The following ADGRV1 variants were observed in gnomAD, a reference collection of about 807,000 sequenced individuals.
ADGRV1 encodes the protein adhesion G protein-coupled receptor V1.
In ADGRV1, 359 loss-of-function variants were observed where a neutral mutation model predicts 596.2. The observed-to-expected ratio is 0.60, with a 90% CI of 0.55 to 0.66. ADGRV1 has a LOEUF of 0.66. ADGRV1 is among the 30% of genes least tolerant of loss of function. The pLI, the probability that ADGRV1 is intolerant of heterozygous loss-of-function variation, is 0.00. For synonymous variants in ADGRV1, 2,681 were observed against 2,679.2 expected (o/e 1.00, Z -0.02); for missense variants, 7,274 against 7,575.6 (o/e 0.96, Z 1.48).
intron 56 of ADGRV1, 119 bp from the exon 57 acceptor site, chr5:90,756,860 A>G (rs1340725824): frequency 1.2e-6 from 1 of 852,090 alleles, no homozygotes; most frequent in Non-Finnish European, 1.8e-6. Context: ...ATATCTGACT[A>G]TTAATTTCTA....
chr5:90,872,440 TG>T (rs1768785867), intron 83 of ADGRV1, among the ~76,000 whole-genome samples: 1 of 39,748 alleles, frequency 2.5e-5, no homozygotes, highest in Admixed American at 5.0e-4. Flanking sequence ...TGTGTGTGTG[TG>T]TGTGTGTGTG....
intron 83 of ADGRV1, among the ~76,000 whole-genome samples, chr5:90,879,151 T>G (rs1769504349): frequency 6.6e-6 from 1 of 152,314 alleles, no homozygotes; most frequent in African/African-American, 2.4e-5. Flanking sequence ...GAATGAGGAC[T>G]TCAACCTCAC....
Position 90,855,883 on chromosome 5 carries a change from G to A in ADGRV1, c.17737G>A (p.Gly5913Arg). The A allele has an allele frequency of 6.2e-7, 1 of 1,612,184 alleles. No individual in the cohort carries two copies. The highest frequency in any genetic ancestry group is 1.7e-5 in the Admixed American group (1 of 59,964). ...ATACAATGAAGCCTTCTTCACTTCT[G>A]GATTTATATGTATCTCAGGTCAGTG... Reference protein sequence around the residue: ...SSYNEAFFTSGFICISGLCLA... With the variant: ...SSYNEAFFTSRFICISGLCLA... Residue 5913 changes from glycine (G) to arginine (R), a missense_variant, in exon 82 of 90, where the codon GGA becomes AGA. Gly to Arg is a moderately radical substitution (Grantham distance 125). This residue lies in a region of ADGRV1 where 1,874 missense variants were observed against 1,970.2 expected (regional missense o/e 0.95). Coordinates refer to ENST00000405460, the MANE Select transcript of ADGRV1 (RefSeq NM_032119.4).
chr5:90,874,864 A>AT (rs1212225065), intron 83 of ADGRV1, among the ~76,000 whole-genome samples: 2 of 152,120 alleles, frequency 1.3e-5, no homozygotes, highest in Non-Finnish European at 2.9e-5. Flanking sequence ...TCAAAAAAAA[A>AT]CAAAAAACAA....
chr5:90,991,471 G>C (rs1263015614), intron 85 of ADGRV1, among the ~76,000 whole-genome samples: 1 of 152,066 alleles, frequency 6.6e-6, no homozygotes, highest in Non-Finnish European at 1.5e-5. Context: ...AATTTGTAGA[G>C]ACAAGGTCTT....
chr5:90,753,708 A>G lies in ADGRV1; in HGVS notation c.11256A>G (p.Lys3752=). The change falls in exon 54 of 90, where the codon AAA becomes AAG. Residue 3752 remains lysine (K), a synonymous_variant. Coordinates refer to ENST00000405460, the MANE Select transcript of ADGRV1 (RefSeq NM_032119.4). The stretch of plus-strand genomic sequence containing the variant: ...CAGAAGGGGTTGAGGACTCATACAA[A>G]GGTGCTACTATTGATCAGGACAGAA... ...ITTEGVEDSY[K]GATIDQDRSK... The G allele has an allele frequency of 6.2e-7, 1 of 1,613,724 alleles. No homozygotes were observed. Among genetic ancestry groups the G allele is most frequent in the Non-Finnish European group, 8.5e-7 (1 of 1,179,712 alleles).
At chr5:90,564,763 A>G (rs1268985733) in intron 1 of ADGRV1, among the ~76,000 whole-genome samples, 2 of 89,050 alleles carry the variant, frequency 2.2e-5, no homozygotes, top group African/African-American at 5.9e-5. Flanking sequence ...AGTAGCTGGG[A>G]CTACAGGCGC....
intron 86 of ADGRV1, among the ~76,000 whole-genome samples, chr5:91,073,649 A>G (rs772850026): frequency 4.6e-5 from 7 of 152,148 alleles, no homozygotes; most frequent in Non-Finnish European, 8.8e-5. Context: ...GTATCTAGCC[A>G]TCTCTTTTCT....
chr5:90,695,294 C>T (rs1469490430), intron 33 of ADGRV1, among the ~76,000 whole-genome samples: 1 of 152,076 alleles, frequency 6.6e-6, no homozygotes, highest in Non-Finnish European at 1.5e-5. Flanking sequence ...TGATATTTTA[C>T]ATGATCAGCT....
intron 86 of ADGRV1, among the ~76,000 whole-genome samples, chr5:91,084,239 CT>C (rs1475978799): frequency 7.2e-5 from 11 of 152,176 alleles, no homozygotes; most frequent in African/African-American, 2.2e-4. Context: ...ACCAGCCCCC[CT>C]GATTTCCTCA....
At chr5:91,041,266 A>G (rs1318594234) in intron 85 of ADGRV1, among the ~76,000 whole-genome samples, 2 of 152,230 alleles carry the variant, frequency 1.3e-5, no homozygotes, top group South Asian at 2.1e-4. Flanking sequence ...GACTGGATAA[A>G]GAAATGTGGC....
intron 83 of ADGRV1, among the ~76,000 whole-genome samples, chr5:90,927,052 A>C (rs1774559190): frequency 6.8e-6 from 1 of 147,450 alleles, no homozygotes; most frequent in South Asian, 2.2e-4. Flanking sequence ...CTTTACTTCC[A>C]AGTATGTGGT....
chr5:90,806,814 A>T (rs1055113751), intron 72 of ADGRV1, among the ~76,000 whole-genome samples: 2 of 152,178 alleles, frequency 1.3e-5, no homozygotes, highest in Non-Finnish European at 2.9e-5. Context: ...TACAGTGAAC[A>T]CCCATAAACT....
rs759662630 is a variant in ADGRV1 at position 90,810,900 on chromosome 5, G to C, written c.15640G>C (p.Val5214Leu). ...TGATGTGGCCACTGTAACTGCCAAT[G>C]TTTCCATTCATGGAACATTCAGCCT... ...KPDVATVTAN[V>L]SIHGTFSLGP... Residue 5214 changes from valine (V) to leucine (L), a missense_variant, in exon 74 of 90, where the codon GTT becomes CTT. Around this residue, in one of 5 missense-constraint regions of ADGRV1, gnomAD observed 1,874 missense variants for 1,970.2 expected, o/e 0.95. Coordinates refer to ENST00000405460, the MANE Select transcript of ADGRV1 (RefSeq NM_032119.4). The C allele has an allele frequency of 1.2e-6, 2 of 1,613,980 alleles. No individual in the cohort carries two copies.
rs548668941 is a variant in ADGRV1, at chr5:90,600,678, G to A, written c.23-14157G>A. ...CCTTTGGGTATATACCCAGTAATGGGATGGCTGGGTCAAATGGTAGTTCTA... is the reference window on the plus strand; with the variant it reads ...CCTTTGGGTATATACCCAGTAATGGAATGGCTGGGTCAAATGGTAGTTCTA... On this transcript the variant is annotated intron_variant, in intron 1 of 89. Transcript: ENST00000405460. Among the ~76,000 whole-genome samples the A allele has an allele frequency of 7.2e-5, 11 of 152,258 alleles. No homozygotes were observed. The East Asian group carries it at 2.1e-3, about 29-fold the overall frequency.
Position 90,848,668 on chromosome 5 carries a change from G to A in ADGRV1, c.17051G>A (p.Ser5684Asn). The change falls in exon 79 of 90, where the codon AGT (serine) becomes AAT (asparagine). Residue 5684 changes from serine to asparagine, a missense_variant. Coordinates refer to ENST00000405460, the MANE Select transcript of ADGRV1 (RefSeq NM_032119.4). ...ITTEGKIQAF[S>N]VASRTLFYEI... ...ACTGAAGGAAAAATTCAAGCTTTCA[G>A]TGTTGCCAGCCGAACTCTTTTCTAT... is the stretch of plus-strand genomic sequence containing the variant. 1 of 1,547,102 alleles carries A rather than the reference G, an allele frequency of 6.5e-7. No individual in the cohort carries two copies. The highest frequency in any genetic ancestry group is 8.7e-7 in the Non-Finnish European group (1 of 1,151,774).
At position 90,617,610 on chromosome 5, in the gene ADGRV1, G is replaced by A. The variant is rs1369761154; in HGVS notation, c.208-194G>A. The A allele has an allele frequency of 6.2e-6, 3 of 482,126 alleles. No homozygotes were observed. The East Asian group carries it at 1.2e-4, about 19-fold the overall frequency. 29.9% of individuals were successfully genotyped at this position (482,126 alleles called of 1,614,324 possible). A position where few individuals can be genotyped will look rare whatever the true frequency, so the allele number is the denominator to read the frequency against. On this transcript the variant is annotated intron_variant, in intron 2 of 89. Coordinates refer to ENST00000405460, the MANE Select transcript of ADGRV1 (RefSeq NM_032119.4). ...GTAGTGAGCCACTGCGCCTGGCCTG[G>A]AATCATTTGTTTATTTCTGAAGATA...
chr5:90,891,917 T>C (rs1770864105), intron 83 of ADGRV1, among the ~76,000 whole-genome samples: 1 of 152,028 alleles, frequency 6.6e-6, no homozygotes, highest in Non-Finnish European at 1.5e-5. Flanking sequence ...ACAAATTATA[T>C]ATGGTATAAC....
chr5:91,149,951 C>T (rs1050500641), intron 87 of ADGRV1, 79 bp from the exon 88 acceptor site: 1 of 1,180,416 alleles, frequency 8.5e-7, no homozygotes, highest in Admixed American at 2.5e-5. Flanking sequence ...TATTCTTCAG[C>T]TACGGTAGCA....
Sources: allele counts gnomAD v4.1 joint callset (sites outside exome capture counted in the v4.1 genomes callset), GRCh38; gene constraint gnomAD v4.1.1; regional missense constraint gnomAD v4.1.1; transcripts MANE v1.5; gene names NCBI Gene and HGNC (gene_info 2026-07-23, HGNC 2026-07-21).